Variants in ASAP1 observed in about 807,000 individuals in gnomAD.
The protein encoded by ASAP1 is arf-GAP with SH3 domain, ANK repeat and PH domain-containing protein 1.
In ASAP1, 43 loss-of-function variants were observed where a neutral mutation model predicts 145.2. That is an observed-to-expected ratio of 0.30 (90% CI 0.23 to 0.38). The LOEUF is 0.38. Among genes scored for constraint, ASAP1 ranks in the 10% least tolerant of loss-of-function variants. The probability of loss-of-function intolerance (pLI) is 1.00; values close to 1 mark genes in which losing one functional copy is unlikely to be tolerated. For missense variants in ASAP1, 1,018 were observed against 1,355.3 expected, an observed-to-expected ratio of 0.75 and a Z score of 3.91; for synonymous variants, 546 against 515.5, an observed-to-expected ratio of 1.06 and a Z score of -0.80.
At chr8:130,206,389 C>G (rs938315545) in intron 5 of ASAP1, among the ~76,000 whole-genome samples, 3 of 150,374 alleles carry the variant, frequency 2.0e-5, no homozygotes, top group African/African-American at 7.3e-5. Context: ...CTGCTGGCTA[C>G]AAATCTAGAT....
chr8:130,428,132 C>T (rs917116421), intron 1 of ASAP1, among the ~76,000 whole-genome samples: 3 of 152,118 alleles, frequency 2.0e-5, no homozygotes, highest in African/African-American at 7.2e-5. Context: ...TTTTCCCACA[C>T]AGTCATGCAG....
chr8:130,185,643 C>A lies in ASAP1; in HGVS notation c.530+1593G>T, dbSNP rs1444392932. On this transcript the variant is annotated intron_variant, in intron 7 of 29. Coordinates refer to ENST00000518721, the MANE Select transcript of ASAP1 (RefSeq NM_018482.4). ...ACTCGGGAGGCTGAGGCAGGAGAAT[C>A]GCTTGAACCCAGGAGGCAGAGGCTG... is the stretch of plus-strand genomic sequence containing the variant. Among the ~76,000 whole-genome samples the A allele has an allele frequency of 2.7e-5, 4 of 148,824 alleles. No homozygotes were observed. The Admixed American group carries it at 2.7e-4, about 10-fold the overall frequency.
At chr8:130,413,380 C>T (rs1316754170) in intron 1 of ASAP1, among the ~76,000 whole-genome samples, 1 of 152,188 alleles carries the variant, frequency 6.6e-6, no homozygotes, top group African/African-American at 2.4e-5. Flanking sequence ...TACCGTATTT[C>T]CTCCATTTTA....
chr8:130,118,568 T>C lies in ASAP1; in HGVS notation c.1715A>G (p.Lys572Arg), dbSNP rs145743273. Residue 572 changes from lysine to arginine, a missense_variant, in exon 19 of 30, where the codon AAA becomes AGA. Transcript: ENST00000518721. ...AKLNELLEAI[K>R]SRDLLALIQV... The stretch of plus-strand genomic sequence containing the variant: ...AATTAGTGCAAGTAAATCCCTGGAT[T>C]TGATGGCCTCAAGCAATTCATTTAG... 1.3e-5 allele frequency: 21 copies of C among 1,614,188 alleles called. No homozygotes were observed. The African/African-American group carries it at 2.5e-4, about 19-fold the overall frequency.
intron 3 of ASAP1, among the ~76,000 whole-genome samples, chr8:130,256,757 A>ATATATATATATATATATATCCT (rs1819571988): frequency 2.1e-5 from 2 of 93,666 alleles, no homozygotes; most frequent in Non-Finnish European, 2.4e-5. Flanking sequence ...ATATATATAT[A>ATATATATATATATATATATCCT]TATATATATA....
chr8:130,396,706 T>C (rs1422287736), intron 2 of ASAP1, among the ~76,000 whole-genome samples: 1 of 152,208 alleles, frequency 6.6e-6, no homozygotes, highest in African/African-American at 2.4e-5. Context: ...GCAGCATGCA[T>C]TCCTGATCCC....
chr8:130,196,299 G>T (rs954582990), intron 5 of ASAP1, among the ~76,000 whole-genome samples: 6 of 150,954 alleles, frequency 4.0e-5, no homozygotes, highest in Non-Finnish European at 7.4e-5. Flanking sequence ...CTGAGATCAC[G>T]CCACTGTGCT....
chr8:130,087,207 AG>A (rs1195917210), intron 25 of ASAP1, among the ~76,000 whole-genome samples: 1 of 152,142 alleles, frequency 6.6e-6, no homozygotes, highest in Non-Finnish European at 1.5e-5. Flanking sequence ...GGGGAACCAA[AG>A]AGGGGTATAG....
chr8:130,060,461 A>G (rs1592711222), intron 28 of ASAP1, 118 bp downstream of exon 28: 9 of 1,360,556 alleles, frequency 6.6e-6, no homozygotes, highest in Middle Eastern at 2.7e-4. Flanking sequence ...ACCAGAGCAC[A>G]TAAGGGTCAG....
chr8:130,255,201 G>T (rs1445015729), intron 3 of ASAP1, among the ~76,000 whole-genome samples: 1 of 151,922 alleles, frequency 6.6e-6, no homozygotes, highest in Admixed American at 6.6e-5. Context: ...TTATCACAAG[G>T]CACTTAGGAC....
At chr8:130,300,167 G>C (rs939573283) in intron 3 of ASAP1, among the ~76,000 whole-genome samples, 248 of 138,292 alleles carry the variant, frequency 1.8e-3, no homozygotes, top group African/African-American at 5.5e-3. Context: ...GAGAGAGAGA[G>C]AGAGAGAGAG....
intron 11 of ASAP1, among the ~76,000 whole-genome samples, chr8:130,162,256 C>T (rs2097670746): frequency 6.6e-6 from 1 of 152,166 alleles, no homozygotes; most frequent in Non-Finnish European, 1.5e-5. Flanking sequence ...CCTTCCCCTA[C>T]CAATACCTCC....
chr8:130,376,697 G>A (rs1388810862), intron 2 of ASAP1, among the ~76,000 whole-genome samples: 1 of 152,050 alleles, frequency 6.6e-6, no homozygotes, highest in East Asian at 1.9e-4. Context: ...CAGCACTCCA[G>A]CCTGGCAACA....
intron 2 of ASAP1, among the ~76,000 whole-genome samples, chr8:130,388,814 G>T (rs181577872): frequency 6.6e-6 from 1 of 152,134 alleles, no homozygotes; most frequent in African/African-American, 2.4e-5. Context: ...GGGGATGAAA[G>T]GATCATCTTA....
chr8:130,421,502 A>AATGAGATAG (rs1262655672), intron 1 of ASAP1, among the ~76,000 whole-genome samples: 1 of 152,168 alleles, frequency 6.6e-6, no homozygotes, highest in Non-Finnish European at 1.5e-5. Flanking sequence ...CTAGCTAAGG[A>AATGAGATAG]ATGAGATAGA....
chr8:130,409,549 C>G (rs1000386547), intron 1 of ASAP1, among the ~76,000 whole-genome samples: 2 of 152,096 alleles, frequency 1.3e-5, no homozygotes, highest in Non-Finnish European at 2.9e-5. Context: ...TCTATCTTCC[C>G]AGGATAATCC....
At chr8:130,070,544 T>C (rs1293159080) in intron 27 of ASAP1, among the ~76,000 whole-genome samples, 3 of 151,934 alleles carry the variant, frequency 2.0e-5, no homozygotes, top group Non-Finnish European at 4.4e-5. Flanking sequence ...TGTGGAGCAG[T>C]TCCTGGGGCT....
intron 2 of ASAP1, among the ~76,000 whole-genome samples, chr8:130,366,961 G>A (rs747205865): frequency 3.0e-5 from 4 of 134,454 alleles, no homozygotes; most frequent in African/African-American, 5.7e-5. Flanking sequence ...GCACAATCCC[G>A]GCTCACTGCA....
At chr8:130,313,292 A>G (rs991131639) in intron 3 of ASAP1, among the ~76,000 whole-genome samples, 1 of 152,030 alleles carries the variant, frequency 6.6e-6, no homozygotes, top group African/African-American at 2.4e-5. Flanking sequence ...ACAAAATAAA[A>G]TAACATAACC....
Sources: allele counts gnomAD v4.1 joint callset (sites outside exome capture counted in the v4.1 genomes callset), GRCh38; gene constraint gnomAD v4.1.1; transcripts MANE v1.5; gene names NCBI Gene and HGNC (gene_info 2026-07-23, HGNC 2026-07-21).